GNA12: variants seen among roughly 807,000 people sequenced by gnomAD.
The protein encoded by GNA12 is G protein subunit alpha 12, also known as guanine nucleotide-binding protein subunit alpha-12.
A neutral mutation model predicts 26.0 loss-of-function variants in GNA12; 9 were observed. That is an observed-to-expected ratio of 0.35 (90% CI 0.21 to 0.60). GNA12 has a LOEUF of 0.60. GNA12 is among the 20% of genes least tolerant of loss of function. The pLI is 0.78. For synonymous variants in GNA12, 264 were observed against 219.6 expected (o/e 1.20, Z -1.79); for missense variants, 405 against 525.8 (o/e 0.77, Z 2.25).
chr7:2,791,726 A>C (rs189088421), intron 2 of GNA12, among the ~76,000 whole-genome samples: 3 of 147,986 alleles, frequency 2.0e-5, no homozygotes, highest in African/African-American at 7.5e-5. Flanking sequence ...GGTCTACTGC[A>C]GGGGTGGGGG....
chr7:2,813,977 A>AGGGAGGAGGAGTTCACCCC (rs1793148581), intron 1 of GNA12, among the ~76,000 whole-genome samples: 2 of 152,156 alleles, frequency 1.3e-5, no homozygotes, highest in South Asian at 4.1e-4. Flanking sequence ...CAGACGGCAG[A>AGGGAGGAGGAGTTCACCCC]GGGAGGAGGA....
In GNA12 at chr7:2,728,568, G is replaced by A. The variant is rs1343681074; in HGVS notation, c.*2613C>T. 3 of 152,464 alleles carry A rather than the reference G, an allele frequency of 2.0e-5. No homozygotes were observed. The highest frequency in any genetic ancestry group is 4.8e-5 in the African/African-American group (2 of 41,378). The allele number at this position is 152,464 out of a possible 1,614,324, so 9.4% of individuals were successfully genotyped here. A position where few individuals can be genotyped will look rare whatever the true frequency, so the allele number is the denominator to read the frequency against. ...CTATGAGGAACAGATCTTATTTTGAGGAACTTTATTGTTACATTTTTGCAA... is the reference window on the plus strand; with the variant it reads ...CTATGAGGAACAGATCTTATTTTGAAGAACTTTATTGTTACATTTTTGCAA... On this transcript the variant is annotated 3_prime_UTR_variant, in exon 4 of 4. Coordinates refer to ENST00000275364, the MANE Select transcript of GNA12 (RefSeq NM_007353.3).
At chr7:2,732,468 C>T (rs1032701917) in intron 3 of GNA12, among the ~76,000 whole-genome samples, 4 of 152,242 alleles carry the variant, frequency 2.6e-5, no homozygotes, top group African/African-American at 9.6e-5. Flanking sequence ...ATCATTTGAA[C>T]CTAGGAGGTT....
In GNA12 at chr7:2,738,103, T is replaced by G. The variant is rs979426843; in HGVS notation, c.526-4602A>C. ...TTTAATTTGGGTACCTATGAATTGTTTGTTGCTAATTTATCATCCCCAAAT... is the reference window on the plus strand; with the variant it reads ...TTTAATTTGGGTACCTATGAATTGTGTGTTGCTAATTTATCATCCCCAAAT... On this transcript the variant is annotated intron_variant, in intron 2 of 3. Transcript: ENST00000275364. Among the ~76,000 whole-genome samples, 118 of 152,276 alleles carry G rather than the reference T, an allele frequency of 7.7e-4. 1 individual carries two copies. Among genetic ancestry groups the G allele is most frequent in the African/African-American group, 2.8e-3 (115 of 41,540 alleles).
chr7:2,786,395 C>T (rs1442644828), intron 2 of GNA12, among the ~76,000 whole-genome samples: 1 of 151,922 alleles, frequency 6.6e-6, no homozygotes, highest in African/African-American at 2.4e-5. Flanking sequence ...GATGCTTATT[C>T]CCAAAGAAAA....
intron 3 of GNA12, among the ~76,000 whole-genome samples, chr7:2,733,124 C>A (rs1055706604): frequency 2.0e-5 from 3 of 152,198 alleles, no homozygotes; most frequent in Admixed American, 2.0e-4. Flanking sequence ...TCAGTGATAA[C>A]TGCCATGCCT....
In GNA12 at chr7:2,818,393, T is replaced by C. The variant is rs557482172; in HGVS notation, c.310-23250A>G. On this transcript the variant is annotated intron_variant, in intron 1 of 3. Transcript: ENST00000275364. ...CTGCCAAATGTCCCCCTGGGGAGCA[T>C]AGTCTCTCCAACGGAGAACCACTGA... Among the ~76,000 whole-genome samples, 24 of 152,284 alleles carry C rather than the reference T, an allele frequency of 1.6e-4. No homozygotes were observed. The South Asian group carries it at 2.5e-3, about 16-fold the overall frequency.
chr7:2,750,688 C>T (rs538791146), intron 2 of GNA12, among the ~76,000 whole-genome samples: 2 of 152,296 alleles, frequency 1.3e-5, no homozygotes, highest in South Asian at 4.1e-4. Context: ...GGTGAAGCCA[C>T]GGACACGGGG....
chr7:2,786,041 T>C (rs1792351657), intron 2 of GNA12, among the ~76,000 whole-genome samples: 1 of 152,218 alleles, frequency 6.6e-6, no homozygotes, highest in Non-Finnish European at 1.5e-5. Context: ...CACTCCAGCC[T>C]GGGTGACACA....
chr7:2,743,273 G>C (rs1259583088), intron 2 of GNA12, among the ~76,000 whole-genome samples: 2 of 152,208 alleles, frequency 1.3e-5, no homozygotes, highest in South Asian at 2.1e-4. Context: ...GTCTCACCAA[G>C]TTAAATGTCT....
intron 1 of GNA12, among the ~76,000 whole-genome samples, chr7:2,798,425 C>CT (rs1792731136): frequency 6.6e-6 from 1 of 152,116 alleles, no homozygotes. Flanking sequence ...AGATGTACTA[C>CT]TACTAACTAT....
chr7:2,744,779 T>C (rs1790686471), intron 2 of GNA12, among the ~76,000 whole-genome samples: 3 of 151,980 alleles, frequency 2.0e-5, no homozygotes, highest in East Asian at 1.9e-4. Context: ...GAAAAAAAAT[T>C]AGACAAATGG....
At chr7:2,739,989 G>A (rs1790417519) in intron 2 of GNA12, among the ~76,000 whole-genome samples, 1 of 152,112 alleles carries the variant, frequency 6.6e-6, no homozygotes, top group Non-Finnish European at 1.5e-5. Context: ...TGGTAATTCT[G>A]TGCTTAATTT....
intron 1 of GNA12, among the ~76,000 whole-genome samples, chr7:2,800,323 T>C (rs1792778664): frequency 6.6e-6 from 1 of 152,168 alleles, no homozygotes; most frequent in Admixed American, 6.5e-5. Context: ...CAGGGGTTAG[T>C]AATGGGAAAG....
chr7:2,796,150 A>G (rs1792667332), intron 1 of GNA12, among the ~76,000 whole-genome samples: 1 of 152,176 alleles, frequency 6.6e-6, no homozygotes. Context: ...TGTTTTAACA[A>G]CAACTATAGT....
At chr7:2,763,190 CAACACACA>C in intron 2 of GNA12, 1 of 307,860 alleles carries the variant, frequency 3.2e-6, no homozygotes, top group Non-Finnish European at 4.4e-6. Context: ...CAAGACACCC[CAACACACA>C]CACACACACA....
chr7:2,836,946 C>G (rs978794146), intron 1 of GNA12, among the ~76,000 whole-genome samples: 5 of 152,086 alleles, frequency 3.3e-5, no homozygotes, highest in Admixed American at 6.6e-5. Flanking sequence ...AAAACAAATA[C>G]AAGAGAAAAC....
intron 2 of GNA12, chr7:2,763,298 A>T: frequency 5.2e-6 from 1 of 194,088 alleles, no homozygotes; most frequent in Non-Finnish European, 9.7e-6. Flanking sequence ...TGTGAGGCTG[A>T]GACACAGCCC....
chr7:2,809,578 G>A (rs1241242644), intron 1 of GNA12, among the ~76,000 whole-genome samples: 3 of 152,052 alleles, frequency 2.0e-5, no homozygotes, highest in Non-Finnish European at 4.4e-5. Context: ...CTTTTCGTAT[G>A]TCAAAGACAA....
Sources: allele counts gnomAD v4.1 joint callset (sites outside exome capture counted in the v4.1 genomes callset), GRCh38; gene constraint gnomAD v4.1.1; transcripts MANE v1.5; gene names NCBI Gene and HGNC (gene_info 2026-07-23, HGNC 2026-07-21).